Variants in ZPLD1 observed in about 807,000 individuals in gnomAD.
The protein encoded by ZPLD1 is zona pellucida-like domain-containing protein 1.
ZPLD1 carries 34 observed loss-of-function variants against 47.2 expected under a neutral mutation model. The observed-to-expected ratio is 0.72, with a 90% CI of 0.55 to 0.96. ZPLD1 has a LOEUF of 0.96. Among genes scored for constraint, ZPLD1 ranks in the 40% least tolerant of loss-of-function variants. The pLI is 0.00. For missense variants in ZPLD1, 512 were observed against 505.8 expected, an observed-to-expected ratio of 1.01 and a Z score of -0.12; for synonymous variants, 176 against 186.2, an observed-to-expected ratio of 0.95 and a Z score of 0.45.
At chr3:102,471,145 TA>T (rs1431484760) in intron 10 of ZPLD1, among the ~76,000 whole-genome samples, 1 of 152,158 alleles carries the variant, frequency 6.6e-6, no homozygotes, top group Non-Finnish European at 1.5e-5. Flanking sequence ...CGCCCATGAC[TA>T]CTAATTTGAG....
At position 102,454,506 on chromosome 3, in the gene ZPLD1, A is replaced by G. The variant is rs76320926; in HGVS notation, c.327+1367A>G. ...AAAATGATTCAGGAGAAAAGCCAGG[A>G]AAAGTGTGCAATGTGTGTGCTGTTT... On this transcript the variant is annotated intron_variant, in intron 4 of 11. Transcript: ENST00000466937. Among the ~76,000 whole-genome samples the G allele has an allele frequency of 1.1e-4, 16 of 152,274 alleles. No individual in the cohort carries two copies. The East Asian group carries it at 1.2e-3, about 11-fold the overall frequency.
rs1005218531 is a variant in ZPLD1 at position 102,477,545 on chromosome 3, C to T, written c.1175C>T (p.Ser392Leu). The T allele has an allele frequency of 1.1e-5, 18 of 1,613,840 alleles. No homozygotes were observed. The highest frequency in any genetic ancestry group is 1.5e-5 in the Non-Finnish European group (18 of 1,179,794). The stretch of plus-strand genomic sequence containing the variant: ...ACGAGCTTTTCTCTTCTTCTGTGCT[C>T]ACTGGCCCTTCTGCACAGGAAGGGA... ...GVTSFSLLLCSLALLHRKGPT... is the reference protein window; with the variant it reads ...GVTSFSLLLCLLALLHRKGPT... The change falls in exon 12 of 12, where the codon TCA becomes TTA. Residue 392 changes from serine (S) to leucine (L), a missense_variant. Ser to Leu is a moderately radical substitution (Grantham distance 145). Coordinates refer to ENST00000466937, the MANE Select transcript of ZPLD1 (RefSeq NM_001329788.2).
chr3:102,408,633 C>CA (rs2043112754), intron 7 of ZPLD1, among the ~76,000 whole-genome samples: 1 of 150,588 alleles, frequency 6.6e-6, no homozygotes, highest in South Asian at 2.1e-4. Context: ...TGCTTCTCAA[C>CA]TTTTTTTTTA....
At chr3:102,386,379 C>A (rs1706425742) in intron 6 of ZPLD1, among the ~76,000 whole-genome samples, 1 of 151,578 alleles carries the variant, frequency 6.6e-6, no homozygotes, top group Admixed American at 6.6e-5. Context: ...GGGTTACTCT[C>A]CATTCTATAA....
chr3:102,433,782 G>A (rs573203956), upstream of ZPLD1, among the ~76,000 whole-genome samples: 93 of 152,154 alleles, frequency 6.1e-4, no homozygotes, highest in Non-Finnish European at 1.2e-3. Flanking sequence ...ACCCGCCTCG[G>A]CCTCCCAAAG....
chr3:102,397,707 C>T (rs1300032840), intron 7 of ZPLD1, among the ~76,000 whole-genome samples: 1 of 152,094 alleles, frequency 6.6e-6, no homozygotes, highest in Non-Finnish European at 1.5e-5. Context: ...ACATTATCTG[C>T]CACCTGTTCA....
chr3:102,402,271 ATC>A (rs891742597), intron 7 of ZPLD1, among the ~76,000 whole-genome samples: 6 of 151,992 alleles, frequency 3.9e-5, no homozygotes, highest in African/African-American at 1.4e-4. Flanking sequence ...TCACTTAAAT[ATC>A]TCTCTTCTAC....
At chr3:102,426,354 C>A (rs925068588) in intron 8 of ZPLD1, among the ~76,000 whole-genome samples, 2 of 151,924 alleles carry the variant, frequency 1.3e-5, no homozygotes, top group Non-Finnish European at 2.9e-5. Context: ...CCTGTCTCTA[C>A]TAAAAATACA....
rs1273851923 is a variant in ZPLD1, at chr3:102,469,128, T to G, written c.926T>G (p.Leu309Arg). 1.9e-6 allele frequency: 3 copies of G among 1,608,606 alleles called. No individual in the cohort carries two copies. The South Asian group carries it at 3.3e-5, about 18-fold the overall frequency. ...KLCRADDCPF[L>R]MPICSHRERR... ...TGCAGAGCAGATGACTGCCCCTTCC[T>G]TATGCCGGTATGTTTTTAAGGAACT... The change falls in exon 9 of 12, where the codon CTT becomes CGT. Residue 309 changes from leucine (L) to arginine (R), a missense_variant. Transcript: ENST00000466937.
chr3:102,420,408 C>T (rs1466906891), intron 8 of ZPLD1, among the ~76,000 whole-genome samples: 7 of 151,800 alleles, frequency 4.6e-5, no homozygotes, highest in Admixed American at 2.0e-4. Context: ...CAAACTTTTC[C>T]GTAAAGGGCC....
At chr3:102,398,520 C>T (rs79691858) in intron 7 of ZPLD1, among the ~76,000 whole-genome samples, 7,825 of 152,024 alleles carry the variant, frequency 0.051, 272 homozygotes, top group Middle Eastern at 0.096. Context: ...CTGGCCTTTC[C>T]CCTTTATATA....
chr3:102,386,538 A>G (rs111592404), intron 6 of ZPLD1, among the ~76,000 whole-genome samples: 178 of 152,210 alleles, frequency 1.2e-3, no homozygotes, highest in African/African-American at 4.0e-3. Flanking sequence ...GTAATTTCCA[A>G]ATTTGATTAG....
chr3:102,410,790 T>C (rs141627861), intron 7 of ZPLD1, among the ~76,000 whole-genome samples: 2,612 of 151,888 alleles, frequency 0.017, 43 homozygotes, highest in Non-Finnish European at 0.024. Context: ...AATCCAAATC[T>C]TGAATGGATT....
At chr3:102,460,941 T>C (rs1243450219) in intron 6 of ZPLD1, among the ~76,000 whole-genome samples, 1 of 151,956 alleles carries the variant, frequency 6.6e-6, no homozygotes, top group African/African-American at 2.4e-5. Context: ...ATAAAAATAC[T>C]ACCTATCAGA....
chr3:102,446,833 GTCT>G (rs1342343630), intron 3 of ZPLD1, among the ~76,000 whole-genome samples: 2 of 151,964 alleles, frequency 1.3e-5, no homozygotes, highest in Non-Finnish European at 2.9e-5. Flanking sequence ...CTTTTCTTCT[GTCT>G]TCTTTATTCA....
chr3:102,430,161 C>T (rs1406606504), upstream of ZPLD1, among the ~76,000 whole-genome samples: 1 of 152,140 alleles, frequency 6.6e-6, no homozygotes, highest in African/African-American at 2.4e-5. Context: ...GATGGACTTT[C>T]TTCCAAAAAA....
intron 9 of ZPLD1, among the ~76,000 whole-genome samples, chr3:102,469,959 CATAAATGGGAAGCT>C (rs1227446085): frequency 6.6e-6 from 1 of 152,012 alleles, no homozygotes; most frequent in Non-Finnish European, 1.5e-5. Flanking sequence ...TCAATTTATG[CATAAATGGGAAGCT>C]ATTTCTTCAT....
chr3:102,462,421 C>G (rs941469299), intron 7 of ZPLD1, 43 bp downstream of exon 7: 2 of 1,351,370 alleles, frequency 1.5e-6, no homozygotes, highest in African/African-American at 2.9e-5. Flanking sequence ...AACTCTTTGA[C>G]TGCCTAAATC....
chr3:102,403,241 A>C (rs996070494), intron 7 of ZPLD1, among the ~76,000 whole-genome samples: 1 of 151,932 alleles, frequency 6.6e-6, no homozygotes, highest in Non-Finnish European at 1.5e-5. Context: ...TGAGAGAGAG[A>C]GAAAAAAAAA....
Sources: gnomAD v4.1 joint callset for allele counts (sites outside exome capture counted in the v4.1 genomes callset) on GRCh38, gnomAD v4.1.1 for gene constraint, MANE v1.5 for transcripts, NCBI Gene and HGNC (gene_info 2026-07-23, HGNC 2026-07-21) for gene names.